The following ADARB2 variants were observed in gnomAD, a reference collection of about 807,000 sequenced individuals.
ADARB2 encodes adenosine deaminase RNA specific B2 (inactive), also known as inactive double-stranded RNA-specific editase B2.
A neutral mutation model predicts 62.2 loss-of-function variants in ADARB2; 25 were observed. That is an observed-to-expected ratio of 0.40 (90% CI 0.29 to 0.56). The LOEUF (loss-of-function observed/expected upper bound fraction) is 0.56. Ranked by LOEUF, ADARB2 falls within the 20% of genes least tolerant of loss-of-function variation. The probability of loss-of-function intolerance (pLI) is 0.43; values close to 1 mark genes in which losing one functional copy is unlikely to be tolerated. For missense variants in ADARB2, 1,071 were observed against 1,077.4 expected (o/e 0.99, Z 0.08); for synonymous variants, 572 against 500.8 (o/e 1.14, Z -1.90).
chr10:1,205,651 G>A (rs1031397541), intron 7 of ADARB2, among the ~76,000 whole-genome samples: 2 of 152,254 alleles, frequency 1.3e-5, no homozygotes, highest in African/African-American at 2.4e-5. Context: ...GGGAGGACGC[G>A]GCACAGGGTG....
chr10:1,299,276 G>C (rs1050914975), intron 3 of ADARB2, among the ~76,000 whole-genome samples: 1 of 151,942 alleles, frequency 6.6e-6, no homozygotes, highest in African/African-American at 2.4e-5. Context: ...GCAAAAGCCA[G>C]GAAGTGCAGA....
chr10:1,233,687 C>T lies in ADARB2; in HGVS notation c.1513+7G>A. On this transcript the variant is annotated splice_region_variant and intron_variant, in intron 6 of 9. Transcript: ENST00000381312. ...GGCCTACAGAAGGTAAAAGCATGGT[C>T]TCTTACGGTCTGTGGTGATCTCGTA... 1 of 1,608,630 alleles carries T rather than the reference C, an allele frequency of 6.2e-7. No homozygotes were observed. Among genetic ancestry groups the T allele is most frequent in the Non-Finnish European group, 8.5e-7 (1 of 1,177,082 alleles).
At position 1,498,326 on chromosome 10, in the gene ADARB2, G is replaced by A. The variant is rs189375680; in HGVS notation, c.101-119166C>T. On this transcript the variant is annotated intron_variant, in intron 1 of 9. Transcript: ENST00000381312. ...GGAGGCAGAGGTTGCAGTAAGCCAA[G>A]ATTACACCATTGCACTCCAGCCTAG... Among the ~76,000 whole-genome samples the A allele has an allele frequency of 2.0e-3, 297 of 152,112 alleles. 3 individuals carry two copies. Among genetic ancestry groups the A allele is most frequent in the African/African-American group, 6.5e-3 (270 of 41,474 alleles).
intron 3 of ADARB2, among the ~76,000 whole-genome samples, chr10:1,307,393 C>T (rs1831639516): frequency 7.0e-6 from 1 of 141,856 alleles, no homozygotes; most frequent in Admixed American, 7.4e-5. Context: ...CCATCTCACA[C>T]CAGTTAGAAT....
intron 3 of ADARB2, among the ~76,000 whole-genome samples, chr10:1,298,221 T>C (rs1831540471): frequency 6.6e-6 from 1 of 152,192 alleles, no homozygotes; most frequent in African/African-American, 2.4e-5. Flanking sequence ...GTAGATGCTA[T>C]TGAAAAAAAT....
chr10:1,293,181 GAGAA>G (rs1434558810), intron 3 of ADARB2, among the ~76,000 whole-genome samples: 4 of 48,632 alleles, frequency 8.2e-5, no homozygotes, highest in Admixed American at 3.4e-4. Flanking sequence ...GAGAGGGGGA[GAGAA>G]AGACAGGAAT....
At chr10:1,719,437 T>G (rs1267729728) in intron 1 of ADARB2, among the ~76,000 whole-genome samples, 3 of 152,252 alleles carry the variant, frequency 2.0e-5, no homozygotes, top group Non-Finnish European at 4.4e-5. Context: ...GAATATATGA[T>G]ATCTATAGAA....
intron 2 of ADARB2, among the ~76,000 whole-genome samples, chr10:1,369,530 C>T (rs1035782502): frequency 3.9e-5 from 6 of 152,358 alleles, no homozygotes; most frequent in Non-Finnish European, 5.9e-5. Flanking sequence ...AAGATGATAG[C>T]GGCTGTTACC....
intron 1 of ADARB2, among the ~76,000 whole-genome samples, chr10:1,598,968 C>T (rs754281997): frequency 2.6e-5 from 4 of 152,246 alleles, no homozygotes; most frequent in African/African-American, 7.2e-5. Flanking sequence ...TGGACAGAGG[C>T]GCAGCTGCCG....
intron 7 of ADARB2, among the ~76,000 whole-genome samples, chr10:1,209,944 C>T (rs971376751): frequency 8.5e-5 from 13 of 152,222 alleles, no homozygotes; most frequent in African/African-American, 2.2e-4. Flanking sequence ...TTCTATCACA[C>T]ACTTTCATAT....
Position 1,389,296 on chromosome 10 carries a change from T to C in ADARB2, c.101-10136A>G, listed in dbSNP as rs2131865028. Among the ~76,000 whole-genome samples the C allele has an allele frequency of 2.6e-5, 4 of 152,326 alleles. No homozygotes were observed. The Middle Eastern group carries it at 0.014, about 518-fold the overall frequency. On this transcript the variant is annotated intron_variant, in intron 1 of 9. Coordinates refer to ENST00000381312, the MANE Select transcript of ADARB2 (RefSeq NM_018702.4). ...AAAGAAAAAAATGACAAATTAGTTTTCATCAAATTGGAAAAATTCAGCTTG... is the reference window on the plus strand; with the variant it reads ...AAAGAAAAAAATGACAAATTAGTTTCCATCAAATTGGAAAAATTCAGCTTG...
chr10:1,608,829 G>C (rs2096381056), intron 1 of ADARB2, among the ~76,000 whole-genome samples: 1 of 135,668 alleles, frequency 7.4e-6, no homozygotes, highest in Non-Finnish European at 1.5e-5. Flanking sequence ...AGGAAGGAGA[G>C]AAGGAAGTCT....
intron 1 of ADARB2, among the ~76,000 whole-genome samples, chr10:1,571,791 TGGTGAGTGGACA>T (rs113971428): frequency 0.012 from 821 of 65,826 alleles, no homozygotes; most frequent in African/African-American, 0.026. Flanking sequence ...GGTGATATGC[TGGTGAGTGGACA>T]GGTGAGTGGA....
chr10:1,498,225 T>C (rs373152669), intron 1 of ADARB2, among the ~76,000 whole-genome samples: 2 of 151,886 alleles, frequency 1.3e-5, no homozygotes, highest in African/African-American at 4.8e-5. Context: ...ATATAAAAAA[T>C]TGGCCAGGCA....
chr10:1,658,341 C>G lies in ADARB2; in HGVS notation c.100+78710G>C, dbSNP rs544974054. On this transcript the variant is annotated intron_variant, in intron 1 of 9. Transcript: ENST00000381312. ...TGATTCTGTCTCTCTCTGTCTCTAT[C>G]TGATTCTCTGATTCTCTCTGTTTTT... is the stretch of plus-strand genomic sequence containing the variant. 5.3e-5 allele frequency among the ~76,000 whole-genome samples: 8 copies of G among 151,346 alleles called. No homozygotes were observed. The South Asian group carries it at 8.4e-4, about 16-fold the overall frequency.
At chr10:1,399,849 T>A (rs1832647301) in intron 1 of ADARB2, among the ~76,000 whole-genome samples, 1 of 152,206 alleles carries the variant, frequency 6.6e-6, no homozygotes. Flanking sequence ...AGCAGGGGGC[T>A]GCCCTTGAGA....
intron 1 of ADARB2, among the ~76,000 whole-genome samples, chr10:1,464,613 G>A (rs1256702482): frequency 1.5e-5 from 1 of 67,254 alleles, no homozygotes; most frequent in Non-Finnish European, 3.3e-5. Flanking sequence ...CCCCACACAC[G>A]CGCTGGGGGC....
chr10:1,452,937 A>G (rs1037831379), intron 1 of ADARB2, among the ~76,000 whole-genome samples: 2 of 152,156 alleles, frequency 1.3e-5, no homozygotes, highest in South Asian at 4.1e-4. Flanking sequence ...CTTTGTCACA[A>G]TGCATCCTGG....
intron 1 of ADARB2, among the ~76,000 whole-genome samples, chr10:1,411,974 G>A (rs1014063352): frequency 7.2e-5 from 11 of 152,216 alleles, no homozygotes; most frequent in African/African-American, 2.4e-4. Context: ...ACTTAGAAAC[G>A]ACGCATCAGG....
Sources: gnomAD v4.1 joint callset for allele counts (sites outside exome capture counted in the v4.1 genomes callset) on GRCh38, gnomAD v4.1.1 for gene constraint, MANE v1.5 for transcripts, NCBI Gene and HGNC (gene_info 2026-07-23, HGNC 2026-07-21) for gene names.